Variants in HEMK2 observed in about 807,000 individuals in gnomAD.
The protein encoded by HEMK2 is methyltransferase HEMK2.
the HEMK2 span, among the ~76,000 whole-genome samples, chr21:28,727,351 C>T: frequency 6.6e-6 from 1 of 152,116 alleles, no homozygotes; most frequent in Non-Finnish European, 1.5e-5. Flanking sequence ...AATTCAAAGC[C>T]CAAGCGTTTG....
the HEMK2 span, among the ~76,000 whole-genome samples, chr21:28,738,635 T>C: frequency 6.6e-6 from 1 of 152,218 alleles, no homozygotes; most frequent in East Asian, 1.9e-4. Flanking sequence ...GCCAGGACCC[T>C]GGGCCTTCTC....
the HEMK2 span, chr21:28,879,855 T>A: frequency 5.9e-6 from 9 of 1,519,394 alleles, no homozygotes; most frequent in Non-Finnish European, 8.0e-6. Flanking sequence ...AATTAAATTT[T>A]GTTGTATGTT....
At chr21:28,757,161 T>C in the HEMK2 span, among the ~76,000 whole-genome samples, 1 of 152,164 alleles carries the variant, frequency 6.6e-6, no homozygotes, top group African/African-American at 2.4e-5. Context: ...ACACTCTAAG[T>C]CGATCTATTT....
the HEMK2 span, among the ~76,000 whole-genome samples, chr21:28,846,579 G>GTT: frequency 2.6e-5 from 4 of 152,004 alleles, no homozygotes; most frequent in African/African-American, 4.8e-5. Flanking sequence ...TCATATGTTT[G>GTT]TTGGCCACAT....
chr21:28,681,670 C>A, the HEMK2 span, among the ~76,000 whole-genome samples: 3 of 152,132 alleles, frequency 2.0e-5, no homozygotes, highest in Non-Finnish European at 4.4e-5. Flanking sequence ...GCTATAGTAA[C>A]CAAAACAGCA....
chr21:28,876,294 G>A, the HEMK2 span: 2 of 834,540 alleles, frequency 2.4e-6, no homozygotes, highest in African/African-American at 1.7e-5. Context: ...ACAAATTTCT[G>A]ATAAAATTCC....
chr21:28,785,789 C>T, the HEMK2 span, among the ~76,000 whole-genome samples: 22 of 152,168 alleles, frequency 1.4e-4, no homozygotes, highest in African/African-American at 5.3e-4. Context: ...CCCTCCTGAG[C>T]CCAGCCTAAA....
chr21:28,801,846 T>C, the HEMK2 span, among the ~76,000 whole-genome samples: 1 of 152,172 alleles, frequency 6.6e-6, no homozygotes, highest in African/African-American at 2.4e-5. Context: ...AGAACATCAC[T>C]GTTGGATTAA....
the HEMK2 span, among the ~76,000 whole-genome samples, chr21:28,750,699 TCAA>T: frequency 2.5e-5 from 1 of 40,686 alleles, no homozygotes; most frequent in Admixed American, 3.0e-4. Flanking sequence ...AGGCTCCATC[TCAA>T]AAAAAAAAAA....
the HEMK2 span, chr21:28,874,408 C>T: frequency 6.6e-6 from 1 of 152,402 alleles, no homozygotes; most frequent in East Asian, 1.9e-4. Flanking sequence ...CACTAGGCAA[C>T]TGACTGATGA....
the HEMK2 span, among the ~76,000 whole-genome samples, chr21:28,718,633 C>T: frequency 5.8e-3 from 872 of 151,602 alleles, 7 homozygotes; most frequent in African/African-American, 0.02. Context: ...AAAAAATAAA[C>T]TGCTTGAGAT....
chr21:28,684,986 T>G, the HEMK2 span, among the ~76,000 whole-genome samples: 2 of 152,222 alleles, frequency 1.3e-5, no homozygotes, highest in Non-Finnish European at 2.9e-5. Flanking sequence ...AAATGAGTTC[T>G]GCATGAACCG....
At chr21:28,720,044 G>A in the HEMK2 span, among the ~76,000 whole-genome samples, 2 of 152,084 alleles carry the variant, frequency 1.3e-5, no homozygotes, top group African/African-American at 2.4e-5. Flanking sequence ...TGTGTGCTTC[G>A]GTTTGATGAT....
chr21:28,678,084 A>C, the HEMK2 span, among the ~76,000 whole-genome samples: 1 of 152,224 alleles, frequency 6.6e-6, no homozygotes, highest in African/African-American at 2.4e-5. Flanking sequence ...GCTTCAGACG[A>C]TCAAACTACT....
chr21:28,698,624 A>G, the HEMK2 span, among the ~76,000 whole-genome samples: 1 of 152,192 alleles, frequency 6.6e-6, no homozygotes, highest in Non-Finnish European at 1.5e-5. Flanking sequence ...TGTAAATAAG[A>G]TCAAAAAACT....
At chr21:28,721,002 T>G in the HEMK2 span, among the ~76,000 whole-genome samples, 1 of 152,244 alleles carries the variant, frequency 6.6e-6, no homozygotes, top group Non-Finnish European at 1.5e-5. Context: ...CAGTATGGAT[T>G]GCTACTGCTC....
the HEMK2 span, among the ~76,000 whole-genome samples, chr21:28,788,848 G>A: frequency 6.6e-6 from 1 of 151,994 alleles, no homozygotes; most frequent in African/African-American, 2.4e-5. Flanking sequence ...GATTAGGTAG[G>A]GCCCTAATAT....
chr21:28,815,983 T>C, the HEMK2 span, among the ~76,000 whole-genome samples: 1 of 152,130 alleles, frequency 6.6e-6, no homozygotes, highest in African/African-American at 2.4e-5. Flanking sequence ...GCTGTTAGTG[T>C]GGGCTGTAAC....
chr21:28,791,558 A>G, the HEMK2 span, among the ~76,000 whole-genome samples: 1 of 152,196 alleles, frequency 6.6e-6, no homozygotes, highest in Non-Finnish European at 1.5e-5. Flanking sequence ...GCTCTATTTG[A>G]CATAATCTTA....
Sources: gnomAD v4.1 joint callset for allele counts (sites outside exome capture counted in the v4.1 genomes callset) on GRCh38, gnomAD v4.1.1 for gene constraint, MANE v1.5 for transcripts, NCBI Gene and HGNC (gene_info 2026-07-23, HGNC 2026-07-21) for gene names.